The following MDGA2 variants were observed in gnomAD, a reference collection of about 807,000 sequenced individuals.
MDGA2 encodes MAM domain containing glycosylphosphatidylinositol anchor 2.
In MDGA2, 40 loss-of-function variants were observed where a neutral mutation model predicts 117.8. The ratio of observed to expected loss-of-function variants is 0.34; its 90% CI spans 0.26 to 0.44. The LOEUF (loss-of-function observed/expected upper bound fraction) is 0.44, where lower values mean the gene tolerates loss of function less well. Among genes scored for constraint, MDGA2 ranks in the 20% least tolerant of loss-of-function variants. The pLI is 1.00. For synonymous variants in MDGA2, 452 were observed against 439.0 expected, an observed-to-expected ratio of 1.03 and a Z score of -0.37; for missense variants, 1,123 against 1,250.6, an observed-to-expected ratio of 0.90 and a Z score of 1.54.
chr14:47,555,903 C>A (rs1895673555), intron 1 of MDGA2, among the ~76,000 whole-genome samples: 1 of 152,126 alleles, frequency 6.6e-6, no homozygotes, highest in Admixed American at 6.5e-5. Flanking sequence ...ATCCCCCTAG[C>A]CATCAGTGAG....
At chr14:47,086,560 A>G (rs968341047) in intron 6 of MDGA2, among the ~76,000 whole-genome samples, 3 of 152,112 alleles carry the variant, frequency 2.0e-5, no homozygotes, top group African/African-American at 4.8e-5. Context: ...GAATGTACCC[A>G]TTACTTATTT....
intron 1 of MDGA2, among the ~76,000 whole-genome samples, chr14:47,629,011 T>C (rs754394073): frequency 6.6e-6 from 1 of 152,214 alleles, no homozygotes; most frequent in Non-Finnish European, 1.5e-5. Context: ...AACTCCTCCC[T>C]GTACCCACTC....
intron 2 of MDGA2, among the ~76,000 whole-genome samples, chr14:47,227,911 C>A (rs1045404349): frequency 6.6e-6 from 1 of 152,096 alleles, no homozygotes; most frequent in Non-Finnish European, 1.5e-5. Flanking sequence ...AATGATGGCT[C>A]CTAAATTAGT....
At chr14:47,264,179 A>G (rs1167603772) in intron 2 of MDGA2, among the ~76,000 whole-genome samples, 2 of 152,172 alleles carry the variant, frequency 1.3e-5, no homozygotes, top group Admixed American at 6.6e-5. Context: ...TCTGAGACCC[A>G]TCTATAATGA....
chr14:47,336,287 G>C (rs1890454465), intron 1 of MDGA2, among the ~76,000 whole-genome samples: 1 of 151,848 alleles, frequency 6.6e-6, no homozygotes, highest in African/African-American at 2.4e-5. Context: ...ATGGGAAGCA[G>C]GGCAGCGGGG....
intron 2 of MDGA2, among the ~76,000 whole-genome samples, chr14:47,272,380 G>A (rs1192903909): frequency 6.6e-6 from 1 of 152,094 alleles, no homozygotes; most frequent in Non-Finnish European, 1.5e-5. Context: ...TACCAGTTAT[G>A]TCACACCAGA....
intron 1 of MDGA2, among the ~76,000 whole-genome samples, chr14:47,645,249 CCTT>C (rs942823117): frequency 1.3e-5 from 2 of 151,840 alleles, no homozygotes; most frequent in African/African-American, 4.8e-5. Flanking sequence ...ATAATTCAAT[CCTT>C]TTTTTTTTTT....
chr14:46,945,668 G>A (rs557177537), intron 9 of MDGA2, among the ~76,000 whole-genome samples: 8 of 152,058 alleles, frequency 5.3e-5, no homozygotes, highest in Non-Finnish European at 8.8e-5. Flanking sequence ...ATCCATGCTC[G>A]GCTTGGAATC....
At chr14:47,148,376 T>A (rs1238702134) in intron 3 of MDGA2, among the ~76,000 whole-genome samples, 2 of 152,310 alleles carry the variant, frequency 1.3e-5, no homozygotes, top group Non-Finnish European at 2.9e-5. Context: ...AAGCAGCATA[T>A]AATAATGGTC....
chr14:46,937,419 C>T (rs193159329), intron 9 of MDGA2, among the ~76,000 whole-genome samples: 209 of 152,070 alleles, frequency 1.4e-3, no homozygotes, highest in Non-Finnish European at 8.5e-4. Flanking sequence ...CTGTCAATTA[C>T]TAATCAAAGT....
chr14:47,492,733 A>C (rs922214789), intron 1 of MDGA2, among the ~76,000 whole-genome samples: 3 of 152,154 alleles, frequency 2.0e-5, no homozygotes, highest in African/African-American at 7.2e-5. Flanking sequence ...AGTTCAGTCT[A>C]TAATATTATC....
At chr14:47,433,631 C>T (rs565425823) in intron 1 of MDGA2, among the ~76,000 whole-genome samples, 99 of 152,178 alleles carry the variant, frequency 6.5e-4, no homozygotes, top group African/African-American at 2.2e-3. Flanking sequence ...TCTGGATTCA[C>T]GACATCAGGG....
At chr14:47,276,792 A>G (rs919920767) in intron 2 of MDGA2, among the ~76,000 whole-genome samples, 7 of 152,200 alleles carry the variant, frequency 4.6e-5, no homozygotes, top group Non-Finnish European at 7.3e-5. Context: ...CCTCTGAATT[A>G]CAACAGCAAT....
intron 8 of MDGA2, among the ~76,000 whole-genome samples, chr14:46,961,461 CTACT>C (rs770392580): frequency 2.6e-5 from 4 of 152,058 alleles, no homozygotes; most frequent in Non-Finnish European, 4.4e-5. Flanking sequence ...TTCTCCAATC[CTACT>C]TAATCTGCAA....
rs985677853 is a variant in MDGA2 at position 47,237,250 on chromosome 14, A to G, written c.421-19055T>C. 8.5e-5 allele frequency among the ~76,000 whole-genome samples: 13 copies of G among 152,342 alleles called. No homozygotes were observed. The East Asian group carries it at 1.9e-3, about 23-fold the overall frequency. On this transcript the variant is annotated intron_variant, in intron 2 of 16. Transcript: ENST00000399232. ...ACACCTTAGTTCCCTGACTTAAAAA[A>G]AAAATTAAAATCACATTAAGCAAAT...
rs1880574708 is a variant in MDGA2, at chr14:46,840,741, T to C, written c.*1190A>G. On this transcript the variant is annotated 3_prime_UTR_variant, in exon 17 of 17. Transcript: ENST00000399232. The stretch of plus-strand genomic sequence containing the variant: ...ATTTCATTTCAAATGGAGGTTAGAG[T>C]AAAAAAATCACTTTTGTGTTTTACC... 6.6e-6 allele frequency: 1 copy of C among 152,416 alleles called. No homozygotes were observed. Among genetic ancestry groups the C allele is most frequent in the East Asian group, 1.9e-4 (1 of 5,184 alleles). The allele number at this position is 152,416 out of a possible 1,614,324, so 9.4% of individuals were successfully genotyped here.
chr14:47,372,856 CT>C (rs1278264924), intron 1 of MDGA2, among the ~76,000 whole-genome samples: 2 of 151,754 alleles, frequency 1.3e-5, no homozygotes, highest in Non-Finnish European at 2.9e-5. Flanking sequence ...TTTTATTATA[CT>C]TTTTATTATA....
intron 5 of MDGA2, among the ~76,000 whole-genome samples, chr14:47,107,118 T>G (rs1054286100): frequency 6.7e-6 from 1 of 148,478 alleles, no homozygotes; most frequent in African/African-American, 2.5e-5. Context: ...CGACCGATCA[T>G]GCACCCCTTA....
chr14:47,650,344 TGCA>T (rs1897616655), intron 1 of MDGA2, among the ~76,000 whole-genome samples: 1 of 152,192 alleles, frequency 6.6e-6, no homozygotes, highest in African/African-American at 2.4e-5. Flanking sequence ...ATTTTACATA[TGCA>T]GCAGGTCCTT....
Sources: allele counts gnomAD v4.1 joint callset (sites outside exome capture counted in the v4.1 genomes callset), GRCh38; gene constraint gnomAD v4.1.1; transcripts MANE v1.5; gene names NCBI Gene and HGNC (gene_info 2026-07-23, HGNC 2026-07-21).